MUC17: variants seen among roughly 807,000 people sequenced by gnomAD.
The protein encoded by MUC17 is mucin-17.
In MUC17, 190 loss-of-function variants were observed where a neutral mutation model predicts 170.3. The ratio of observed to expected loss-of-function variants is 1.12; its 90% CI spans 0.99 to 1.26. MUC17 has a LOEUF of 1.26. MUC17 is among the 50% of genes most tolerant of loss of function. MUC17 has a pLI of 0.00. For synonymous variants in MUC17, 2,325 were observed against 2,002.5 expected (o/e 1.16, Z -4.30); for missense variants, 6,415 against 5,530.0 (o/e 1.16, Z -5.08).
Position 101,042,773 on chromosome 7 carries a change from C to G in MUC17, c.11357C>G (p.Thr3786Ser). 6.2e-7 allele frequency: 1 copy of G among 1,614,136 alleles called. No individual in the cohort carries two copies. Among genetic ancestry groups the G allele is most frequent in the Non-Finnish European group, 8.5e-7 (1 of 1,180,032 alleles). Reference protein sequence around the residue: ...IPSVYTSMSMTTASEGSSSPT... With the variant: ...IPSVYTSMSMSTASEGSSSPT... ...TCTGTTTACACCAGCATGTCTATGA[C>G]CACTGCCTCTGAAGGCAGTTCATCT... The change falls in exon 3 of 13, where the codon ACC becomes AGC. Residue 3786 changes from threonine to serine, a missense_variant. Physicochemically the swap from Thr to Ser is moderately conservative, Grantham distance 58 (BLOSUM62 1). Transcript: ENST00000306151.
At chr7:101,028,444 C>T (rs1794220809) in intron 1 of MUC17, among the ~76,000 whole-genome samples, 1 of 152,058 alleles carries the variant, frequency 6.6e-6, no homozygotes, top group South Asian at 2.1e-4. Context: ...CCCTTCACAT[C>T]ATTATTTATT....
intron 3 of MUC17, among the ~76,000 whole-genome samples, chr7:101,046,159 G>A (rs183566453): frequency 6.6e-6 from 1 of 152,252 alleles, no homozygotes; most frequent in East Asian, 1.9e-4. Flanking sequence ...CTTTCCAAAT[G>A]TCTTGGAGCA....
At chr7:101,056,498 C>T (rs765340330) in intron 12 of MUC17, among the ~76,000 whole-genome samples, 8 of 152,164 alleles carry the variant, frequency 5.3e-5, no homozygotes, top group African/African-American at 7.2e-5. Flanking sequence ...GCTTCAGGTT[C>T]GGAGGTTTCC....
Position 101,038,072 on chromosome 7 carries a change from GCACTCCATTCA to G in MUC17, c.6659_6669del (p.Thr2220LysfsTer13), listed in dbSNP as rs765186163. The G allele has an allele frequency of 1.8e-5, 25 of 1,398,304 alleles. No individual in the cohort carries two copies. The Admixed American group carries it at 4.1e-4, about 23-fold the overall frequency. 86.6% of individuals were successfully genotyped at this position (1,398,304 alleles called of 1,614,324 possible). On this transcript the variant is annotated frameshift_variant, in exon 3 of 13. Coordinates refer to ENST00000306151, the MANE Select transcript of MUC17 (RefSeq NM_001040105.2). LOFTEE classifies it high-confidence loss of function. ...CCAACCTCAACTCCTAGTGAAGGAA[GCACTCCATTCA>G]CAAGTATGCCTGTCAGCACCATGCC... is the stretch of plus-strand genomic sequence containing the variant.
At position 101,039,951 on chromosome 7, in the gene MUC17, T is replaced by A. The variant is rs1262891357; in HGVS notation, c.8535T>A (p.Thr2845=). 14 of 1,613,442 alleles carry A rather than the reference T, an allele frequency of 8.7e-6. No homozygotes were observed. Among genetic ancestry groups the A allele is most frequent in the Non-Finnish European group, 1.2e-5 (14 of 1,179,814 alleles). ...VDTSTPVTTS[T]KASSSPTTAE... is the part of the protein sequence containing the mutation. ...CCAGCACACCTGTGACCACTTCTAC[T>A]AAAGCCAGTTCATCTCCTACAACTG... Residue 2845 remains threonine, a synonymous_variant, in exon 3 of 13, where the codon ACT becomes ACA. Transcript: ENST00000306151.
At position 101,042,660 on chromosome 7, in the gene MUC17, C is replaced by T; in HGVS notation, c.11244C>T (p.Pro3748=). ...GCACCACCATGTCTGTGTCAATGCCCATGGAAATAAGCACCCTTGGGACCA... is the reference window on the plus strand; with the variant it reads ...GCACCACCATGTCTGTGTCAATGCCTATGGAAATAAGCACCCTTGGGACCA... ...LDSTTMSVSM[P]MEISTLGTTI... Residue 3748 remains proline (P), a synonymous_variant, in exon 3 of 13, where the codon CCC becomes CCT. Transcript: ENST00000306151. The T allele has an allele frequency of 6.2e-7, 1 of 1,613,974 alleles. No homozygotes were observed. The highest frequency in any genetic ancestry group is 8.5e-7 in the Non-Finnish European group (1 of 1,180,020).
At chr7:101,057,421 A>T (rs573400435) in intron 12 of MUC17, among the ~76,000 whole-genome samples, 2 of 152,320 alleles carry the variant, frequency 1.3e-5, no homozygotes, top group East Asian at 3.9e-4. Flanking sequence ...GGTTTGTGCT[A>T]GAATCCAGGT....
chr7:101,050,198 C>T (rs534716701), intron 6 of MUC17, among the ~76,000 whole-genome samples: 2 of 152,180 alleles, frequency 1.3e-5, no homozygotes, highest in African/African-American at 4.8e-5. Context: ...CCATCTTCAT[C>T]GCTGAGGCTT....
intron 3 of MUC17, among the ~76,000 whole-genome samples, chr7:101,045,314 A>G (rs1048589847): frequency 2.0e-5 from 3 of 152,094 alleles, no homozygotes; most frequent in Non-Finnish European, 4.4e-5. Context: ...GCTTTTGACT[A>G]CTACATTTTC....
chr7:101,037,776 C>T lies in MUC17; in HGVS notation c.6360C>T (p.Ser2120=), dbSNP rs1242980265. The change falls in exon 3 of 13, where the codon AGC becomes AGT. Residue 2120 remains serine (S), a synonymous_variant. Transcript: ENST00000306151. The part of the protein sequence containing the change: ...STTPVASPEA[S]TLSTTPVDSN... Reference sequence around the variant, plus strand: ...CGCCGGTGGCCAGTCCTGAGGCTAGCACCCTTTCAACAACTCCTGTTGACT... The same window carrying T: ...CGCCGGTGGCCAGTCCTGAGGCTAGTACCCTTTCAACAACTCCTGTTGACT... The T allele has an allele frequency of 1.9e-6, 3 of 1,613,128 alleles. No homozygotes were observed. Among genetic ancestry groups the T allele is most frequent in the South Asian group, 1.1e-5 (1 of 90,914 alleles).
At chr7:101,027,133 A>G (rs928857067) in intron 1 of MUC17, among the ~76,000 whole-genome samples, 1 of 152,174 alleles carries the variant, frequency 6.6e-6, no homozygotes. Context: ...GCTTGGGACT[A>G]TCTGGGCAAC....
Position 101,033,803 on chromosome 7 carries a change from T to C in MUC17, c.2387T>C (p.Met796Thr), listed in dbSNP as rs1473209821. The change falls in exon 3 of 13, where the codon ATG (methionine) becomes ACG (threonine). Residue 796 changes from methionine to threonine, a missense_variant. Coordinates refer to ENST00000306151, the MANE Select transcript of MUC17 (RefSeq NM_001040105.2). Reference protein sequence around the residue: ...CSPTTTEGTSMPISTPSEGSP... With the variant: ...CSPTTTEGTSTPISTPSEGSP... ...CCTACAACCACTGAAGGTACCAGCA[T>C]GCCAATCTCAACTCCTAGTGAAGGA... is the stretch of plus-strand genomic sequence containing the variant. The C allele has an allele frequency of 6.2e-7, 1 of 1,614,026 alleles. No individual in the cohort carries two copies. The highest frequency in any genetic ancestry group is 1.1e-5 in the South Asian group (1 of 91,054).
chr7:101,053,600 A>C (rs942970910), intron 11 of MUC17, 164 bp downstream of exon 11: 37 of 529,146 alleles, frequency 7.0e-5, no homozygotes, highest in African/African-American at 2.1e-4. Context: ...GCAAAACTCT[A>C]TCTCTTAAAA....
In MUC17 at chr7:101,053,112, G is replaced by C. The variant is rs765201519; in HGVS notation, c.13230G>C (p.Leu4410=). The part of the protein sequence containing the change: ...VLMLIILVAL[L]MLVFRSKREV... ...TGCTGATCATCCTGGTAGCTCTCCT[G>C]ATGCTCGTTTTCCGCTCCAAGAGAG... The change falls in exon 10 of 13, where the codon CTG becomes CTC. Residue 4410 remains leucine (L), a synonymous_variant. Transcript: ENST00000306151. The C allele has an allele frequency of 6.2e-7, 1 of 1,614,114 alleles. No homozygotes were observed. The highest frequency in any genetic ancestry group is 1.1e-5 in the South Asian group (1 of 91,082).
In MUC17 at chr7:101,037,869, G is replaced by A. The variant is rs1794540984; in HGVS notation, c.6453G>A (p.Met2151Ile). The part of the protein sequence containing the change: ...SSPIPTEGTS[M>I]QTSTYSDRRT... ...CTATACCTACTGAAGGTACCAGCAT[G>A]CAAACCTCAACTTATAGTGACAGAA... Residue 2151 changes from methionine (M) to isoleucine (I), a missense_variant, in exon 3 of 13, where the codon ATG (methionine) becomes ATA (isoleucine). By Grantham distance (10) the Met-to-Ile change is conservative. Transcript: ENST00000306151. The A allele has an allele frequency of 1.2e-6, 2 of 1,609,994 alleles. No homozygotes were observed. The highest frequency in any genetic ancestry group is 1.3e-5 in the African/African-American group (1 of 74,436).
intron 4 of MUC17, 22 bp downstream of exon 4, chr7:101,048,137 C>T: frequency 6.5e-7 from 1 of 1,541,524 alleles, no homozygotes; most frequent in Non-Finnish European, 8.7e-7. Flanking sequence ...CCCAGGCCTT[C>T]CCCCACCCCA....
chr7:101,040,996 C>T lies in MUC17; in HGVS notation c.9580C>T (p.Pro3194Ser). ...LSATPVDTST[P>S]VTTSTEATSS... is the part of the protein sequence containing the mutation. Reference sequence around the variant, plus strand: ...AGCAACTCCTGTTGACACCAGCACACCTGTGACCACTTCTACTGAAGCCAC... The same window carrying T: ...AGCAACTCCTGTTGACACCAGCACATCTGTGACCACTTCTACTGAAGCCAC... The change falls in exon 3 of 13, where the codon CCT (proline) becomes TCT (serine). Residue 3194 changes from proline (P) to serine (S), a missense_variant. Physicochemically the swap from Pro to Ser is moderately conservative, Grantham distance 74. Transcript: ENST00000306151. 1.2e-6 allele frequency: 2 copies of T among 1,613,966 alleles called. No homozygotes were observed. Among genetic ancestry groups the T allele is most frequent in the Non-Finnish European group, 1.7e-6 (2 of 1,179,968 alleles).
At chr7:101,046,612 C>G (rs959447250) in intron 3 of MUC17, among the ~76,000 whole-genome samples, 1 of 152,136 alleles carries the variant, frequency 6.6e-6, no homozygotes, top group South Asian at 2.1e-4. Context: ...CCCATCTCTA[C>G]AGAAAAATTT....
chr7:101,033,610 G>A lies in MUC17; in HGVS notation c.2194G>A (p.Ala732Thr). ...STEASSSPTTADGASMPTSTP... is the reference protein window; with the variant it reads ...STEASSSPTTTDGASMPTSTP... ...TGAAGCCAGTTCCTCTCCTACAACTGCTGATGGTGCCAGTATGCCAACCTC... is the reference window on the plus strand; with the variant it reads ...TGAAGCCAGTTCCTCTCCTACAACTACTGATGGTGCCAGTATGCCAACCTC... The change falls in exon 3 of 13, where the codon GCT becomes ACT. Residue 732 changes from alanine (A) to threonine (T), a missense_variant. Coordinates refer to ENST00000306151, the MANE Select transcript of MUC17 (RefSeq NM_001040105.2). 6.2e-7 allele frequency: 1 copy of A among 1,611,550 alleles called. No homozygotes were observed. The highest frequency in any genetic ancestry group is 1.3e-5 in the African/African-American group (1 of 74,196).
Sources: gnomAD v4.1 joint callset for allele counts (sites outside exome capture counted in the v4.1 genomes callset) on GRCh38, gnomAD v4.1.1 for gene constraint, MANE v1.5 for transcripts, NCBI Gene and HGNC (gene_info 2026-07-23, HGNC 2026-07-21) for gene names.